Variants in SGCZ observed in about 807,000 individuals in gnomAD.
SGCZ encodes the protein zeta-sarcoglycan.
SGCZ carries 40 observed loss-of-function variants against 41.3 expected under a neutral mutation model. That is an observed-to-expected ratio of 0.97 (90% CI 0.75 to 1.26). SGCZ has a LOEUF of 1.26. Among genes scored for constraint, SGCZ ranks in the 50% most tolerant of loss-of-function variants. The pLI is 0.00. For synonymous variants in SGCZ, 206 were observed against 137.5 expected (o/e 1.50, Z -3.49); for missense variants, 552 against 369.8 (o/e 1.49, Z -4.04).
At chr8:14,506,825 G>T (rs1278188600) in intron 2 of SGCZ, among the ~76,000 whole-genome samples, 3 of 152,086 alleles carry the variant, frequency 2.0e-5, no homozygotes, top group African/African-American at 7.2e-5. Context: ...ACTTCAGGCA[G>T]CCCACATTCT....
chr8:15,061,622 A>G (rs1230015862), intron 1 of SGCZ, among the ~76,000 whole-genome samples: 1 of 152,036 alleles, frequency 6.6e-6, no homozygotes, highest in Non-Finnish European at 1.5e-5. Flanking sequence ...TTGAGAACTC[A>G]GTGCTCTTTC....
At position 15,196,174 on chromosome 8, in the gene SGCZ, G is replaced by A. The variant is rs983427983; in HGVS notation, c.39+41411C>T. ...GGCCTCCCAAAGTGCTGGGATTACA[G>A]GCGTGAGCCACCGCGCCCGGCCAGG... On this transcript the variant is annotated intron_variant, in intron 1 of 7. Transcript: ENST00000382080. Among the ~76,000 whole-genome samples, 3 of 134,050 alleles carry A rather than the reference G, an allele frequency of 2.2e-5. 1 individual carries two copies. Among genetic ancestry groups the A allele is most frequent in the African/African-American group, 8.5e-5 (3 of 35,368 alleles). 87.9% of individuals were successfully genotyped at this position (134,050 alleles called of 152,430 possible).
chr8:14,599,571 C>G (rs1805521527), intron 1 of SGCZ, among the ~76,000 whole-genome samples: 1 of 152,144 alleles, frequency 6.6e-6, no homozygotes, highest in Non-Finnish European at 1.5e-5. Context: ...ATATCTAGCC[C>G]CTTCTTGTTC....
intron 1 of SGCZ, among the ~76,000 whole-genome samples, chr8:14,628,124 T>C (rs993655332): frequency 1.3e-5 from 2 of 152,084 alleles, no homozygotes; most frequent in Non-Finnish European, 2.9e-5. Context: ...GCAGGTTTAA[T>C]GCTACATTGG....
chr8:14,728,751 A>G (rs140460941), intron 1 of SGCZ, among the ~76,000 whole-genome samples: 1 of 152,308 alleles, frequency 6.6e-6, no homozygotes, highest in East Asian at 1.9e-4. Flanking sequence ...GAGCTTCTCA[A>G]AAGTGACAAC....
chr8:14,227,274 T>A (rs7838226), intron 4 of SGCZ, among the ~76,000 whole-genome samples: 8 of 151,796 alleles, frequency 5.3e-5, no homozygotes, highest in African/African-American at 1.9e-4. Flanking sequence ...TTCTTTATTC[T>A]AATTATGACA....
rs55667194 is a variant in SGCZ at position 14,102,076 on chromosome 8, T to TTA, written c.744+298_744+299dup. 7.6e-3 allele frequency among the ~76,000 whole-genome samples: 905 copies of TTA among 119,832 alleles called. 17 individuals are homozygous for TTA. Among genetic ancestry groups the TTA allele is most frequent in the African/African-American group, 0.029 (834 of 28,936 alleles). The allele number at this position is 119,832 out of a possible 152,430, so 78.6% of individuals were successfully genotyped here. The stretch of plus-strand genomic sequence containing the variant: ...TGCCTGCCACTATGCTTGGCTAACT[T>TTA]TATATATATATATATATATATATAT... On this transcript the variant is annotated intron_variant, in intron 7 of 7. Transcript: ENST00000382080.
At chr8:14,779,994 T>C (rs187313145) in intron 1 of SGCZ, among the ~76,000 whole-genome samples, 5 of 152,284 alleles carry the variant, frequency 3.3e-5, no homozygotes, top group Admixed American at 6.5e-5. Flanking sequence ...AAATAAATAA[T>C]TGTCATTCTA....
intron 2 of SGCZ, among the ~76,000 whole-genome samples, chr8:14,333,236 G>T (rs1018811658): frequency 6.6e-6 from 1 of 151,898 alleles, no homozygotes; most frequent in Admixed American, 6.6e-5. Flanking sequence ...TGCTGTAAAA[G>T]AATACTATAT....
At chr8:14,097,574 G>A (rs1299881910) in intron 7 of SGCZ, among the ~76,000 whole-genome samples, 2 of 152,150 alleles carry the variant, frequency 1.3e-5, no homozygotes, top group Non-Finnish European at 2.9e-5. Flanking sequence ...GTTGATTTGG[G>A]GTGGAGAGTT....
At chr8:14,314,848 T>G (rs150639039) in intron 3 of SGCZ, among the ~76,000 whole-genome samples, 1 of 152,300 alleles carries the variant, frequency 6.6e-6, no homozygotes, top group East Asian at 1.9e-4. Context: ...ACCGTTTCTA[T>G]GTTCACCACT....
At chr8:14,485,448 G>C (rs573434499) in intron 2 of SGCZ, among the ~76,000 whole-genome samples, 1 of 152,176 alleles carries the variant, frequency 6.6e-6, no homozygotes, top group Admixed American at 6.5e-5. Context: ...TTGTTAGCCA[G>C]GATGGTCTTG....
chr8:15,076,146 T>C (rs1387840851), intron 1 of SGCZ, among the ~76,000 whole-genome samples: 1 of 152,182 alleles, frequency 6.6e-6, no homozygotes, highest in Admixed American at 6.6e-5. Flanking sequence ...TTACAAAATA[T>C]CTGAAGATAT....
chr8:14,990,347 T>C (rs995204569), intron 1 of SGCZ, among the ~76,000 whole-genome samples: 9 of 151,980 alleles, frequency 5.9e-5, no homozygotes, highest in African/African-American at 2.2e-4. Context: ...ACCAGATCCC[T>C]GGCCTGTTAG....
chr8:15,231,752 G>C (rs751745420), intron 1 of SGCZ, among the ~76,000 whole-genome samples: 21 of 150,996 alleles, frequency 1.4e-4, no homozygotes, highest in Admixed American at 1.3e-3. Context: ...CTCCCGAGTA[G>C]CTGGGAGTAC....
intron 2 of SGCZ, among the ~76,000 whole-genome samples, chr8:14,434,429 A>G (rs1800030252): frequency 1.3e-5 from 2 of 152,154 alleles, no homozygotes; most frequent in Admixed American, 6.5e-5. Flanking sequence ...CTTTTTGTTT[A>G]GTCTTGCTTA....
At chr8:14,321,431 T>G (rs1025872726) in intron 3 of SGCZ, among the ~76,000 whole-genome samples, 2 of 151,998 alleles carry the variant, frequency 1.3e-5, no homozygotes, top group Non-Finnish European at 2.9e-5. Context: ...CAGCCCATAG[T>G]TGATTAGGTT....
chr8:15,188,143 A>G (rs1800407393), intron 1 of SGCZ, among the ~76,000 whole-genome samples: 1 of 152,076 alleles, frequency 6.6e-6, no homozygotes, highest in African/African-American at 2.4e-5. Flanking sequence ...ATCTGACTGC[A>G]GCATACCACT....
intron 5 of SGCZ, among the ~76,000 whole-genome samples, chr8:14,118,855 A>G (rs1802603991): frequency 1.3e-5 from 2 of 152,174 alleles, no homozygotes; most frequent in South Asian, 4.1e-4. Flanking sequence ...CAGATTTGTC[A>G]AAGATCAGAT....
Sources: gnomAD v4.1 joint callset for allele counts (sites outside exome capture counted in the v4.1 genomes callset) on GRCh38, gnomAD v4.1.1 for gene constraint, MANE v1.5 for transcripts, NCBI Gene and HGNC (gene_info 2026-07-23, HGNC 2026-07-21) for gene names.